The following SLIT2 variants were observed in gnomAD, a reference collection of about 807,000 sequenced individuals.
SLIT2 encodes the protein slit homolog 2 protein.
A neutral mutation model predicts 185.7 loss-of-function variants in SLIT2; 41 were observed. That is an observed-to-expected ratio of 0.22 (90% CI 0.17 to 0.29). SLIT2 has a LOEUF of 0.29. SLIT2 is among the 10% of genes least tolerant of loss of function. SLIT2 has a pLI of 1.00. For synonymous variants in SLIT2, 693 were observed against 680.2 expected (o/e 1.02, Z -0.29); for missense variants, 1,571 against 1,909.0 (o/e 0.82, Z 3.30).
chr4:20,493,867 C>T, intron 9 of SLIT2, among the ~76,000 whole-genome samples: 1 of 152,146 alleles, frequency 6.6e-6, no homozygotes, highest in South Asian at 2.1e-4. Flanking sequence ...AATGAAACTA[C>T]AGAGATGAGG....
chr4:20,468,013 A>G (rs1404011756), intron 5 of SLIT2, among the ~76,000 whole-genome samples, 190 bp downstream of exon 5: 1 of 152,130 alleles, frequency 6.6e-6, no homozygotes, highest in Non-Finnish European at 1.5e-5. Flanking sequence ...CATTTAGAAG[A>G]TGTCTGGAAA....
At chr4:20,548,832 C>T (rs191718805) in intron 23 of SLIT2, among the ~76,000 whole-genome samples, 23 of 152,170 alleles carry the variant, frequency 1.5e-4, no homozygotes, top group Admixed American at 2.0e-4. Context: ...GGACGGCTGA[C>T]GCACCAAAGT....
rs1729873710 is a variant in SLIT2, at chr4:20,618,804, A to C, written c.4385A>C (p.Tyr1462Ser). Residue 1462 changes from tyrosine (Y) to serine (S), a missense_variant, in exon 37 of 37, where the codon TAC becomes TCC. Tyr to Ser is a moderately radical substitution (Grantham distance 144). Around this residue, in one of 3 missense-constraint regions of SLIT2, gnomAD observed 223 missense variants for 245.2 expected, o/e 0.91. Coordinates refer to ENST00000504154, the MANE Select transcript of SLIT2 (RefSeq NM_004787.4). ...CGAGGGGAAAGGATAAGAGATTATTACCAAAAGCAGCAGGGCTATGCTGCT... is the reference window on the plus strand; with the variant it reads ...CGAGGGGAAAGGATAAGAGATTATTCCCAAAAGCAGCAGGGCTATGCTGCT... ...SCRGERIRDY[Y>S]QKQQGYAACQ... The C allele has an allele frequency of 6.2e-7, 1 of 1,608,964 alleles. No individual in the cohort carries two copies. Among genetic ancestry groups the C allele is most frequent in the South Asian group, 1.1e-5 (1 of 90,930 alleles).
chr4:20,296,277 G>A (rs1394044620), intron 4 of SLIT2, among the ~76,000 whole-genome samples: 1 of 152,040 alleles, frequency 6.6e-6, no homozygotes, highest in Non-Finnish European at 1.5e-5. Context: ...ATGGCATTAA[G>A]CAAAGAGAAT....
At chr4:20,446,689 A>G (rs527606307) in intron 4 of SLIT2, among the ~76,000 whole-genome samples, 9 of 152,358 alleles carry the variant, frequency 5.9e-5, no homozygotes, top group African/African-American at 2.2e-4. Flanking sequence ...ATCCCTCTGC[A>G]TATCTCTCTG....
chr4:20,494,673 G>A (rs1449069698), intron 9 of SLIT2, among the ~76,000 whole-genome samples: 1 of 151,844 alleles, frequency 6.6e-6, no homozygotes, highest in Non-Finnish European at 1.5e-5. Context: ...CATCTACTCG[G>A]GAGGCTGAGG....
chr4:20,336,242 T>C (rs2109216037), intron 4 of SLIT2, among the ~76,000 whole-genome samples: 1 of 152,282 alleles, frequency 6.6e-6, no homozygotes, highest in East Asian at 1.9e-4. Flanking sequence ...TTTCCTTTAA[T>C]ATGTGAAGAC....
At chr4:20,334,927 A>G (rs905378990) in intron 4 of SLIT2, among the ~76,000 whole-genome samples, 43 of 152,348 alleles carry the variant, frequency 2.8e-4, no homozygotes, top group African/African-American at 9.6e-4. Context: ...TTTCATATGT[A>G]TAGTAATTAA....
chr4:20,489,469 TAACA>T (rs1717578955), intron 8 of SLIT2, among the ~76,000 whole-genome samples: 1 of 152,178 alleles, frequency 6.6e-6, no homozygotes, highest in Admixed American at 6.5e-5. Context: ...CCAGCTTTAA[TAACA>T]AACATCTAAA....
intron 4 of SLIT2, among the ~76,000 whole-genome samples, chr4:20,398,007 C>T (rs1017998728): frequency 2.6e-5 from 4 of 151,710 alleles, no homozygotes; most frequent in African/African-American, 9.7e-5. Flanking sequence ...AGAATGATTT[C>T]AGTTTTTATA....
chr4:20,340,565 A>T (rs1720878802), intron 4 of SLIT2, among the ~76,000 whole-genome samples: 1 of 152,096 alleles, frequency 6.6e-6, no homozygotes, highest in African/African-American at 2.4e-5. Flanking sequence ...GCCAGAAGAG[A>T]TAGACAAAAA....
chr4:20,308,987 A>C (rs1167054784), intron 4 of SLIT2, among the ~76,000 whole-genome samples: 1 of 152,056 alleles, frequency 6.6e-6, no homozygotes, highest in Non-Finnish European at 1.5e-5. Flanking sequence ...GAATAAGTTT[A>C]ATTTTATGCC....
At chr4:20,594,950 C>G (rs1045885029) in intron 30 of SLIT2, among the ~76,000 whole-genome samples, 1 of 152,164 alleles carries the variant, frequency 6.6e-6, no homozygotes, top group Non-Finnish European at 1.5e-5. Context: ...ATAGAAGCCA[C>G]ATGGTTAGAG....
At chr4:20,442,368 A>C (rs1235156324) in intron 4 of SLIT2, among the ~76,000 whole-genome samples, 1 of 152,008 alleles carries the variant, frequency 6.6e-6, no homozygotes, top group Non-Finnish European at 1.5e-5. Flanking sequence ...AAATACACAC[A>C]AAAAAATTAG....
intron 4 of SLIT2, among the ~76,000 whole-genome samples, chr4:20,365,378 A>G (rs1723034872): frequency 6.6e-6 from 1 of 152,154 alleles, no homozygotes; most frequent in Non-Finnish European, 1.5e-5. Context: ...TCTCAGCCGT[A>G]TCATCTTTAC....
At chr4:20,510,323 T>A (rs1719589758) in intron 9 of SLIT2, among the ~76,000 whole-genome samples, 172 bp from the exon 10 acceptor site, 1 of 152,190 alleles carries the variant, frequency 6.6e-6, no homozygotes, top group Non-Finnish European at 1.5e-5. Context: ...TAATCCCAAT[T>A]TGCTTCACAT....
chr4:20,369,334 C>T (rs904242801), intron 4 of SLIT2, among the ~76,000 whole-genome samples: 7 of 151,938 alleles, frequency 4.6e-5, no homozygotes, highest in African/African-American at 1.7e-4. Context: ...GCAGAGGTTC[C>T]TTTTCCTCTG....
At chr4:20,589,836 AGGATTAAAGG>A in intron 30 of SLIT2, 99 bp downstream of exon 30, 1 of 739,120 alleles carries the variant, frequency 1.4e-6, no homozygotes, top group South Asian at 1.5e-5. Context: ...ACCTCTGCTC[AGGATTAAAGG>A]GACCTATTCA....
intron 9 of SLIT2, among the ~76,000 whole-genome samples, chr4:20,499,898 A>C (rs111840643): frequency 3.9e-5 from 6 of 152,220 alleles, no homozygotes; most frequent in African/African-American, 1.2e-4. Flanking sequence ...TCAAAGTATG[A>C]ATTTTTGATT....
Sources: allele counts gnomAD v4.1 joint callset (sites outside exome capture counted in the v4.1 genomes callset), GRCh38; gene constraint gnomAD v4.1.1; regional missense constraint gnomAD v4.1.1; transcripts MANE v1.5; gene names NCBI Gene and HGNC (gene_info 2026-07-23, HGNC 2026-07-21).